LHFPL6: variants seen among roughly 807,000 people sequenced by gnomAD.
LHFPL6 encodes the protein LHFPL tetraspan subfamily member 6, also known as LHFPL tetraspan subfamily member 6 protein.
Under a neutral mutation model 20.6 loss-of-function variants are expected in LHFPL6, and 9 were observed. That is an observed-to-expected ratio of 0.44 (90% CI 0.26 to 0.76). The LOEUF is 0.76. Ranked by LOEUF, LHFPL6 falls within the 30% of genes least tolerant of loss-of-function variation. The probability of loss-of-function intolerance (pLI) is 0.20; values close to 1 mark genes in which losing one functional copy is unlikely to be tolerated. For synonymous variants in LHFPL6, 105 were observed against 98.7 expected (o/e 1.06, Z -0.38); for missense variants, 218 against 253.5 (o/e 0.86, Z 0.95).
At chr13:39,532,698 T>C (rs1279550060) in intron 2 of LHFPL6, among the ~76,000 whole-genome samples, 1 of 152,160 alleles carries the variant, frequency 6.6e-6, no homozygotes, top group African/African-American at 2.4e-5. Context: ...ACTAGTAAAA[T>C]ACAATATAAT....
intron 3 of LHFPL6, among the ~76,000 whole-genome samples, chr13:39,354,198 AT>A (rs1285028987): frequency 1.3e-5 from 2 of 152,110 alleles, no homozygotes; most frequent in Non-Finnish European, 2.9e-5. Context: ...TGCAGCCTGA[AT>A]TACACCATCA....
intron 2 of LHFPL6, among the ~76,000 whole-genome samples, chr13:39,592,022 C>T (rs182522759): frequency 3.4e-4 from 51 of 149,048 alleles, no homozygotes; most frequent in Admixed American, 1.5e-3. Context: ...CTTGAACCTA[C>T]GAGGCAGAGT....
chr13:39,344,149 C>A, intron 3 of LHFPL6, 95 bp from the exon 4 acceptor site: 1 of 895,324 alleles, frequency 1.1e-6, no homozygotes, highest in Non-Finnish European at 1.8e-6. Flanking sequence ...TTCTGAAACA[C>A]CCTTTAGGAA....
At chr13:39,530,694 G>A (rs1045406249) in intron 2 of LHFPL6, among the ~76,000 whole-genome samples, 3 of 151,990 alleles carry the variant, frequency 2.0e-5, no homozygotes, top group Non-Finnish European at 2.9e-5. Flanking sequence ...TGTACAAAAT[G>A]TCTTTTACAT....
At chr13:39,589,350 C>T (rs1284583949) in intron 2 of LHFPL6, among the ~76,000 whole-genome samples, 2 of 152,116 alleles carry the variant, frequency 1.3e-5, no homozygotes, top group African/African-American at 4.8e-5. Flanking sequence ...CACGATCTGC[C>T]CACCTCGGCC....
intron 2 of LHFPL6, among the ~76,000 whole-genome samples, chr13:39,568,529 C>G (rs768000991): frequency 1.3e-5 from 2 of 152,022 alleles, no homozygotes; most frequent in Non-Finnish European, 2.9e-5. Context: ...AAAACCTAAC[C>G]CAAATAAAAT....
intron 2 of LHFPL6, among the ~76,000 whole-genome samples, chr13:39,524,327 C>T (rs1398878924): frequency 1.5e-5 from 2 of 134,462 alleles, no homozygotes; most frequent in East Asian, 4.4e-4. Flanking sequence ...AGGTGACTCA[C>T]TCACAGGTAA....
chr13:39,548,838 T>C (rs941522542), intron 2 of LHFPL6, among the ~76,000 whole-genome samples: 1 of 151,954 alleles, frequency 6.6e-6, no homozygotes, highest in Non-Finnish European at 1.5e-5. Flanking sequence ...AAAGATGGGA[T>C]TGTGTCATGG....
At chr13:39,562,569 C>CACAT (rs1566142159) in intron 2 of LHFPL6, among the ~76,000 whole-genome samples, 2 of 93,048 alleles carry the variant, frequency 2.1e-5, no homozygotes, top group Admixed American at 1.1e-4. Flanking sequence ...TACATATACA[C>CACAT]ATACATATAT....
rs548952418 is a variant in LHFPL6 at position 39,572,404 on chromosome 13, C to T, written c.385+28428G>A. Among the ~76,000 whole-genome samples, 18 of 151,710 alleles carry T rather than the reference C, an allele frequency of 1.2e-4. No individual in the cohort carries two copies. The South Asian group carries it at 2.9e-3, about 25-fold the overall frequency. ...CACGTACACAAATGCAGGGCCCAGA[C>T]ATAGATCTTCTATGAATATATGTAT... On this transcript the variant is annotated intron_variant, in intron 2 of 3. Transcript: ENST00000379589.
At chr13:39,552,567 C>A (rs532343050) in intron 2 of LHFPL6, among the ~76,000 whole-genome samples, 18 of 152,304 alleles carry the variant, frequency 1.2e-4, no homozygotes, top group African/African-American at 4.3e-4. Flanking sequence ...ACATTCAAGA[C>A]CACTGGATAG....
At chr13:39,591,156 A>C (rs1018688645) in intron 2 of LHFPL6, among the ~76,000 whole-genome samples, 1 of 152,238 alleles carries the variant, frequency 6.6e-6, no homozygotes, top group Non-Finnish European at 1.5e-5. Context: ...ACAAAGTTAA[A>C]AAGTAAAAAA....
chr13:39,394,686 T>C (rs1870799356), intron 2 of LHFPL6, among the ~76,000 whole-genome samples: 1 of 152,190 alleles, frequency 6.6e-6, no homozygotes, highest in Non-Finnish European at 1.5e-5. Flanking sequence ...TTGATGCTCT[T>C]AGAAGATATT....
intron 2 of LHFPL6, among the ~76,000 whole-genome samples, chr13:39,488,268 T>C (rs1475767309): frequency 6.6e-6 from 1 of 152,164 alleles, no homozygotes; most frequent in Non-Finnish European, 1.5e-5. Flanking sequence ...CAGAAGTAAA[T>C]GTTTGTTGTT....
chr13:39,522,133 A>C (rs1870127636), intron 2 of LHFPL6, among the ~76,000 whole-genome samples: 1 of 152,184 alleles, frequency 6.6e-6, no homozygotes, highest in Admixed American at 6.5e-5. Context: ...AAAGACAAAA[A>C]TCTATCTTCT....
chr13:39,533,177 T>C (rs978859659), intron 2 of LHFPL6, among the ~76,000 whole-genome samples: 2 of 152,202 alleles, frequency 1.3e-5, no homozygotes, highest in Admixed American at 1.3e-4. Flanking sequence ...AGTTAAAACA[T>C]GTGGGTGGCC....
intron 2 of LHFPL6, among the ~76,000 whole-genome samples, chr13:39,512,355 C>A (rs914849783): frequency 1.3e-5 from 2 of 152,192 alleles, no homozygotes; most frequent in African/African-American, 2.4e-5. Flanking sequence ...GTAATCCCAG[C>A]ACTTTGGGAG....
At chr13:39,496,890 A>C (rs1869119486) in intron 2 of LHFPL6, among the ~76,000 whole-genome samples, 1 of 152,146 alleles carries the variant, frequency 6.6e-6, no homozygotes, top group South Asian at 2.1e-4. Flanking sequence ...TCACTAGGAG[A>C]GATGACCACA....
intron 2 of LHFPL6, among the ~76,000 whole-genome samples, chr13:39,569,140 T>C (rs79879666): frequency 3.9e-5 from 2 of 51,898 alleles, no homozygotes; most frequent in Non-Finnish European, 8.1e-5. Flanking sequence ...GATGGATGGA[T>C]GGATGGATGG....
Sources: gnomAD v4.1 joint callset for allele counts (sites outside exome capture counted in the v4.1 genomes callset) on GRCh38, gnomAD v4.1.1 for gene constraint, MANE v1.5 for transcripts, NCBI Gene and HGNC (gene_info 2026-07-23, HGNC 2026-07-21) for gene names.